PIGN: variants seen among roughly 807,000 people sequenced by gnomAD.
PIGN encodes the protein phosphatidylinositol glycan anchor biosynthesis class N, also known as GPI ethanolamine phosphate transferase 1.
A neutral mutation model predicts 125.4 loss-of-function variants in PIGN; 117 were observed. The ratio of observed to expected loss-of-function variants is 0.93; its 90% CI spans 0.80 to 1.09. The LOEUF is 1.09. PIGN is among the 50% of genes least tolerant of loss of function. The pLI is 0.00. For missense variants in PIGN, 1,075 were observed against 1,094.9 expected (o/e 0.98, Z 0.26); for synonymous variants, 392 against 377.8 (o/e 1.04, Z -0.44).
chr18:62,033,361 G>A (rs1340540633), intron 23 of PIGN, among the ~76,000 whole-genome samples: 1 of 152,226 alleles, frequency 6.6e-6, no homozygotes, highest in Non-Finnish European at 1.5e-5. Flanking sequence ...GCCTCATACT[G>A]AACTGTATGA....
At chr18:62,115,922 G>C (rs2035070453) in intron 14 of PIGN, among the ~76,000 whole-genome samples, 1 of 151,950 alleles carries the variant, frequency 6.6e-6, no homozygotes, top group African/African-American at 2.4e-5. Flanking sequence ...AGACCAGCTT[G>C]GGCAACAAAG....
intron 23 of PIGN, among the ~76,000 whole-genome samples, chr18:62,091,328 G>A (rs1187843750): frequency 6.6e-6 from 1 of 152,170 alleles, no homozygotes; most frequent in Non-Finnish European, 1.5e-5. Context: ...CCAGGTTACA[G>A]TGTGAGATTC....
At chr18:62,149,206 T>G (rs558468671) in intron 7 of PIGN, among the ~76,000 whole-genome samples, 1 of 152,294 alleles carries the variant, frequency 6.6e-6, no homozygotes, top group South Asian at 2.1e-4. Flanking sequence ...AAATAACTCT[T>G]CACTACTATG....
In PIGN at chr18:62,107,104, C is replaced by T. The variant is rs778097376; in HGVS notation, c.1575-19G>A. The T allele has an allele frequency of 6.7e-7, 1 of 1,481,880 alleles. No homozygotes were observed. The highest frequency in any genetic ancestry group is 1.9e-5 in the Admixed American group (1 of 51,710). 91.8% of individuals were successfully genotyped at this position (1,481,880 alleles called of 1,614,324 possible). Reference sequence around the variant, plus strand: ...TTGAAATCTGTTTCAAATAAAAAGACTGATTGAATTTTAAAGTTAGGTCAT... The same window carrying T: ...TTGAAATCTGTTTCAAATAAAAAGATTGATTGAATTTTAAAGTTAGGTCAT... On this transcript the variant is annotated intron_variant, in intron 17 of 30. Transcript: ENST00000640252.
Position 62,072,722 on chromosome 18 carries a change from A to T in PIGN, c.2623T>A (p.Phe875Ile). ...CCATAATCCTTGACCAAGAAGAAAA[A>T]ATGCTGTAAAAAAAAAAAAAGGCTT... ...LVISDIMALH[F>I]FFLVKDYGSW... The change falls in exon 30 of 31, where the codon TTT (phenylalanine) becomes ATT (isoleucine). Residue 875 changes from phenylalanine to isoleucine, a missense_variant. Coordinates refer to ENST00000640252, the MANE Select transcript of PIGN (RefSeq NM_176787.5). 1 of 1,564,890 alleles carries T rather than the reference A, an allele frequency of 6.4e-7. No individual in the cohort carries two copies.
downstream of PIGN, among the ~76,000 whole-genome samples, chr18:62,039,069 T>C (rs1324630613): frequency 9.2e-5 from 14 of 152,004 alleles, no homozygotes. Context: ...GAGAGAGAAC[T>C]AGGGAGAAAT....
intron 13 of PIGN, among the ~76,000 whole-genome samples, chr18:62,138,767 T>C (rs2036027868): frequency 6.6e-6 from 1 of 151,408 alleles, no homozygotes. Context: ...TAATCTTACA[T>C]GCAGTCATAC....
chr18:62,165,640 T>C (rs940298223), intron 1 of PIGN, among the ~76,000 whole-genome samples: 1 of 152,260 alleles, frequency 6.6e-6, no homozygotes, highest in South Asian at 2.1e-4. Context: ...ATATCTTAAC[T>C]ACAAGAATGA....
At chr18:62,084,973 T>C (rs2033628023) in intron 26 of PIGN, among the ~76,000 whole-genome samples, 2 of 152,006 alleles carry the variant, frequency 1.3e-5, no homozygotes, top group Admixed American at 6.6e-5. Context: ...CCAGGCATGG[T>C]GGCGGGCACC....
At chr18:62,034,955 C>T (rs1052026938) in intron 23 of PIGN, among the ~76,000 whole-genome samples, 2 of 152,032 alleles carry the variant, frequency 1.3e-5, no homozygotes, top group African/African-American at 4.8e-5. Context: ...GTGTCCCCAC[C>T]CAAACCACCT....
rs561520830 is a variant in PIGN at position 62,125,103 on chromosome 18, C to T, written c.1173-10464G>A. On this transcript the variant is annotated intron_variant, in intron 14 of 30. Transcript: ENST00000640252. ...GTTTGTACATACATGTATATATACACGTTTGTACATATGTGTATATAAATA... is the reference window on the plus strand; with the variant it reads ...GTTTGTACATACATGTATATATACATGTTTGTACATATGTGTATATAAATA... Among the ~76,000 whole-genome samples the T allele has an allele frequency of 1.0e-3, 131 of 130,818 alleles. 4 individuals are homozygous for T. The highest frequency in any genetic ancestry group is 2.3e-3 in the African/African-American group (69 of 30,614). The allele number at this position is 130,818 out of a possible 152,430, so 85.8% of individuals were successfully genotyped here.
chr18:62,020,496 AC>A, intron 23 of PIGN, among the ~76,000 whole-genome samples: 1 of 129,754 alleles, frequency 7.7e-6, no homozygotes, highest in Non-Finnish European at 1.7e-5. Context: ...GCAGATAAAG[AC>A]TTTAAAACAG....
At chr18:62,113,407 A>C (rs2034961726) in intron 15 of PIGN, 91 bp from the exon 16 acceptor site, 10 of 814,080 alleles carry the variant, frequency 1.2e-5, no homozygotes. Context: ...CCTAACAGCC[A>C]AACTGTTGTA....
intron 1 of PIGN, among the ~76,000 whole-genome samples, chr18:62,176,265 T>C (rs1287668297): frequency 6.6e-6 from 1 of 152,152 alleles, no homozygotes; most frequent in African/African-American, 2.4e-5. Flanking sequence ...ATCTCTTTTT[T>C]ACAGAATAAT....
intron 1 of PIGN, among the ~76,000 whole-genome samples, chr18:62,170,282 G>A (rs763252445): frequency 1.4e-4 from 21 of 152,182 alleles, no homozygotes; most frequent in Admixed American, 5.9e-4. Context: ...ATTGCTCTTC[G>A]CAGATTTATT....
intron 1 of PIGN, among the ~76,000 whole-genome samples, chr18:62,169,743 C>T (rs1018460043): frequency 2.6e-5 from 4 of 152,150 alleles, no homozygotes; most frequent in Non-Finnish European, 5.9e-5. Flanking sequence ...ACCTCAGCCT[C>T]CTGAGCAGCT....
At chr18:62,147,657 G>A (rs10164139) in intron 8 of PIGN, among the ~76,000 whole-genome samples, 8,392 of 152,230 alleles carry the variant, frequency 0.055, 286 homozygotes, top group Middle Eastern at 0.14. Flanking sequence ...GCCACTGTTA[G>A]GCTAATTTAA....
downstream of PIGN, among the ~76,000 whole-genome samples, chr18:62,038,795 G>C (rs931071684): frequency 6.6e-6 from 1 of 152,012 alleles, no homozygotes; most frequent in Non-Finnish European, 1.5e-5. Flanking sequence ...AAATTAGCCC[G>C]TGGTTCCAGC....
intron 19 of PIGN, among the ~76,000 whole-genome samples, chr18:62,106,342 A>G (rs678014): frequency 0.24 from 37,102 of 151,600 alleles, 4,675 homozygotes; most frequent in Non-Finnish European, 0.27. Flanking sequence ...AAGACTGACT[A>G]TATTTTTAAT....
Sources: gnomAD v4.1 joint callset for allele counts (sites outside exome capture counted in the v4.1 genomes callset) on GRCh38, gnomAD v4.1.1 for gene constraint, MANE v1.5 for transcripts, NCBI Gene and HGNC (gene_info 2026-07-23, HGNC 2026-07-21) for gene names.